ANO10: variants seen among roughly 807,000 people sequenced by gnomAD.
ANO10 encodes anoctamin 10.
A neutral mutation model predicts 74.7 loss-of-function variants in ANO10; 77 were observed. That is an observed-to-expected ratio of 1.03 (90% CI 0.86 to 1.25). ANO10 has a LOEUF of 1.25. Among genes scored for constraint, ANO10 ranks in the 50% most tolerant of loss-of-function variants. ANO10 has a pLI of 0.00. For synonymous variants in ANO10, 279 were observed against 284.9 expected (o/e 0.98, Z 0.21); for missense variants, 721 against 778.1 (o/e 0.93, Z 0.87).
chr3:43,630,891 T>TC lies in ANO10; in HGVS notation c.-11-25029dup, dbSNP rs770303031. Among the ~76,000 whole-genome samples, 289 of 152,028 alleles carry TC rather than the reference T, an allele frequency of 1.9e-3. 2 individuals carry two copies. The highest frequency in any genetic ancestry group is 1.8e-3 in the Non-Finnish European group (125 of 67,914). On this transcript the variant is annotated intron_variant, in intron 1 of 3. Transcript: ENST00000413397. ...CTTTATTTCTTTGATGCCTTTTTTTTCCCCTTTCACTTCTTTTTGAAGTGC... is the reference window on the plus strand; with the variant it reads ...CTTTATTTCTTTGATGCCTTTTTTTTCCCCCTTTCACTTCTTTTTGAAGTGC...
At chr3:43,617,426 G>T (rs2083166919) in intron 1 of ANO10, among the ~76,000 whole-genome samples, 1 of 152,070 alleles carries the variant, frequency 6.6e-6, no homozygotes, top group Non-Finnish European at 1.5e-5. Context: ...AGACCCTGGG[G>T]CGTGGGATTA....
intron 11 of ANO10, among the ~76,000 whole-genome samples, chr3:43,484,681 G>A (rs757227889): frequency 2.0e-5 from 3 of 152,078 alleles, no homozygotes; most frequent in Non-Finnish European, 4.4e-5. Context: ...AGTCAGTTGT[G>A]CCTAAACTCC....
intron 4 of ANO10, among the ~76,000 whole-genome samples, chr3:43,590,819 A>T (rs550061888): frequency 9.2e-5 from 14 of 152,352 alleles, no homozygotes; most frequent in African/African-American, 3.1e-4. Flanking sequence ...TGTGACAGAT[A>T]GGACTAGCTG....
chr3:43,576,761 T>C lies in ANO10; in HGVS notation c.1093A>G (p.Ile365Val). 6.2e-7 allele frequency: 1 copy of C among 1,614,166 alleles called. No homozygotes were observed. The change falls in exon 6 of 13, where the codon ATC becomes GTC. Residue 365 changes from isoleucine to valine, a missense_variant. By Grantham distance (29) the Ile-to-Val change is conservative. Coordinates refer to ENST00000292246, the MANE Select transcript of ANO10 (RefSeq NM_018075.5). ...ATGATCTCAATCACAATGGCATAGA[T>C]GATGCTGGGCACATACAACAGGACA... Reference protein sequence around the residue: ...TSVLLYVPSIIYAIVIEIMNR... With the variant: ...TSVLLYVPSIVYAIVIEIMNR...
At chr3:43,654,061 C>CA (rs1207982651) in intron 1 of ANO10, among the ~76,000 whole-genome samples, 5 of 151,768 alleles carry the variant, frequency 3.3e-5, no homozygotes, top group African/African-American at 1.2e-4. Context: ...GCAGAGAAGA[C>CA]AGAATTACAG....
chr3:43,455,951 A>T (rs2075105469), intron 11 of ANO10, among the ~76,000 whole-genome samples: 1 of 152,238 alleles, frequency 6.6e-6, no homozygotes, highest in African/African-American at 2.4e-5. Flanking sequence ...AACAGGAGCA[A>T]AGACTTGCGT....
rs191213064 is a variant in ANO10, at chr3:43,578,558, T to C, written c.593-1297A>G. Among the ~76,000 whole-genome samples the C allele has an allele frequency of 1.6e-3, 245 of 152,206 alleles. 2 individuals carry two copies. Among genetic ancestry groups the C allele is most frequent in the Middle Eastern group, 6.8e-3 (2 of 294 alleles). Reference sequence around the variant, plus strand: ...TGAGGTCAGGAGTTCAAGACCAGCCTGGCCAACATGGGGAAACCCCGTCTC... The same window carrying C: ...TGAGGTCAGGAGTTCAAGACCAGCCCGGCCAACATGGGGAAACCCCGTCTC... On this transcript the variant is annotated intron_variant, in intron 5 of 12. Transcript: ENST00000292246.
Position 43,577,113 on chromosome 3 carries a change from G to C in ANO10, c.741C>G (p.Ala247=), listed in dbSNP as rs565581904. 5.6e-6 allele frequency: 9 copies of C among 1,614,034 alleles called. No individual in the cohort carries two copies. Among genetic ancestry groups the C allele is most frequent in the Non-Finnish European group, 7.6e-6 (9 of 1,180,024 alleles). The change falls in exon 6 of 13, where the codon GCC becomes GCG. Residue 247 remains alanine (A), a synonymous_variant. Coordinates refer to ENST00000292246, the MANE Select transcript of ANO10 (RefSeq NM_018075.5). ...WEDYDKYVIF[A]SFNLIWSTVI... Reference sequence around the variant, plus strand: ...CCGTGGACCAGATGAGGTTGAACGAGGCAAAGATCACGTACTTGTCATAGT... The same window carrying C: ...CCGTGGACCAGATGAGGTTGAACGACGCAAAGATCACGTACTTGTCATAGT...
chr3:43,669,154 T>C (rs1198069718), intron 1 of ANO10, among the ~76,000 whole-genome samples: 1 of 152,104 alleles, frequency 6.6e-6, no homozygotes, highest in African/African-American at 2.4e-5. Flanking sequence ...GCTGGAGTTG[T>C]GTATTTCCCT....
chr3:43,484,566 A>G (rs1018977096), intron 11 of ANO10, among the ~76,000 whole-genome samples: 1 of 152,176 alleles, frequency 6.6e-6, no homozygotes, highest in Admixed American at 6.5e-5. Context: ...CTGTCATGTG[A>G]TGCTACACCA....
At chr3:43,551,359 A>C (rs570851373) in intron 10 of ANO10, 1 of 352,888 alleles carries the variant, frequency 2.8e-6, no homozygotes, top group South Asian at 2.3e-5. Context: ...ATATGTTTGT[A>C]ACTAAACTTT....
At chr3:43,501,696 A>G (rs2077105875) in intron 11 of ANO10, among the ~76,000 whole-genome samples, 1 of 152,226 alleles carries the variant, frequency 6.6e-6, no homozygotes. Flanking sequence ...TTTGCCACAC[A>G]GCCCAGCATA....
chr3:43,621,392 C>T (rs947936707), intron 1 of ANO10, among the ~76,000 whole-genome samples: 3 of 152,132 alleles, frequency 2.0e-5, no homozygotes, highest in African/African-American at 7.2e-5. Flanking sequence ...ATCCTGCAAG[C>T]CCGCTCCGGC....
At chr3:43,607,211 A>G (rs926530146) in intron 1 of ANO10, among the ~76,000 whole-genome samples, 1 of 152,184 alleles carries the variant, frequency 6.6e-6, no homozygotes, top group Admixed American at 6.5e-5. Flanking sequence ...AATAACAAAA[A>G]GCCAACTAAG....
chr3:43,623,545 T>G (rs530539976), upstream of ANO10, among the ~76,000 whole-genome samples: 14 of 152,254 alleles, frequency 9.2e-5, no homozygotes, highest in East Asian at 2.7e-3. Context: ...AATGAAAAAT[T>G]TAAAAAATGA....
chr3:43,673,508 C>G (rs909403509), intron 1 of ANO10, among the ~76,000 whole-genome samples: 1 of 152,084 alleles, frequency 6.6e-6, no homozygotes, highest in African/African-American at 2.4e-5. Context: ...CTTGGAAACT[C>G]TAATACAGAA....
chr3:43,668,912 C>T (rs998395840), intron 1 of ANO10, among the ~76,000 whole-genome samples: 1 of 152,078 alleles, frequency 6.6e-6, no homozygotes, highest in Non-Finnish European at 1.5e-5. Flanking sequence ...GCATTAATTA[C>T]ATTTACATAA....
At chr3:43,431,956 GT>G (rs1260260875) in intron 12 of ANO10, among the ~76,000 whole-genome samples, 4 of 152,068 alleles carry the variant, frequency 2.6e-5, no homozygotes, top group Non-Finnish European at 5.9e-5. Flanking sequence ...CCCAGAGCTT[GT>G]CCCCTCAGAT....
intron 1 of ANO10, chr3:43,691,099 G>A (rs1356571169): frequency 1.4e-6 from 2 of 1,471,230 alleles, no homozygotes; most frequent in Non-Finnish European, 9.0e-7. Context: ...GCGCGGGCCG[G>A]GTTAGGGCCC....
Sources: allele counts gnomAD v4.1 joint callset (sites outside exome capture counted in the v4.1 genomes callset), GRCh38; gene constraint gnomAD v4.1.1; transcripts MANE v1.5; gene names NCBI Gene and HGNC (gene_info 2026-07-23, HGNC 2026-07-21).